Variants in ESF1 observed in about 807,000 individuals in gnomAD.
ESF1 encodes ESF1 nucleolar pre-rRNA processing protein.
In ESF1, 58 loss-of-function variants were observed where a neutral mutation model predicts 92.0. The observed-to-expected ratio is 0.63, with a 90% CI of 0.51 to 0.78. ESF1 has a LOEUF of 0.78. Ranked by LOEUF, ESF1 falls within the 30% of genes least tolerant of loss-of-function variation. The probability of loss-of-function intolerance (pLI) is 0.00; values close to 1 mark genes in which losing one functional copy is unlikely to be tolerated. For synonymous variants in ESF1, 321 were observed against 313.7 expected, an observed-to-expected ratio of 1.02 and a Z score of -0.24; for missense variants, 922 against 989.1, an observed-to-expected ratio of 0.93 and a Z score of 0.91.
rs918499459 is a variant in ESF1 at position 13,784,893 on chromosome 20, A to T, written c.-57T>A. 7 of 627,950 alleles carry T rather than the reference A, an allele frequency of 1.1e-5. 1 individual carries two copies. The South Asian group carries it at 1.3e-4, about 12-fold the overall frequency. The allele number at this position is 627,950 out of a possible 1,614,324, so 38.9% of individuals were successfully genotyped here. On this transcript the variant is annotated 5_prime_UTR_variant, in exon 1 of 14. Coordinates refer to ENST00000617257, the MANE Select transcript of ESF1 (RefSeq NM_001276380.2). The stretch of plus-strand genomic sequence containing the variant: ...ATCCCCACTCACCGTCCGCAGTCCT[A>T]CCAAGCCTCACGTGGGGCTCACACC...
intron 9 of ESF1, among the ~76,000 whole-genome samples, chr20:13,742,845 A>G (rs1009177747): frequency 4.6e-5 from 7 of 152,226 alleles, no homozygotes; most frequent in Non-Finnish European, 8.8e-5. Flanking sequence ...CCACAATTTT[A>G]GAACATTTTC....
At chr20:13,755,194 G>C in intron 9 of ESF1, among the ~76,000 whole-genome samples, 1 of 152,150 alleles carries the variant, frequency 6.6e-6, no homozygotes, top group East Asian at 1.9e-4. Flanking sequence ...AGAGAAGTTG[G>C]GGTTCTGTAG....
intron 9 of ESF1, among the ~76,000 whole-genome samples, chr20:13,737,820 A>ATT (rs201405860): frequency 6.6e-6 from 1 of 152,000 alleles, no homozygotes; most frequent in Admixed American, 6.6e-5. Context: ...TGCCAGACTA[A>ATT]TTTTTTCTGT....
Position 13,766,783 on chromosome 20 carries a change from GCTC to G in ESF1, c.1657_1659del (p.Glu553del), listed in dbSNP as rs533595488. Reference sequence around the variant, plus strand: ...ACTGAAAGATTAACAATACCTTGTAGCTCCTCTTCTATCTCCTCTTCATCTTCA... The same window carrying G: ...ACTGAAAGATTAACAATACCTTGTAGCTCTTCTATCTCCTCTTCATCTTCA... On this transcript the variant is annotated inframe_deletion, in exon 8 of 14. Transcript: ENST00000617257. 4.6e-5 allele frequency: 75 copies of G among 1,613,142 alleles called. No homozygotes were observed. Among genetic ancestry groups the G allele is most frequent in the Non-Finnish European group, 6.2e-5 (73 of 1,179,742 alleles).
intron 4 of ESF1, 131 bp downstream of exon 4, chr20:13,775,026 C>T: frequency 1.7e-6 from 1 of 581,760 alleles, no homozygotes; most frequent in South Asian, 2.3e-5. Context: ...ATAAGTTTCA[C>T]ACTCAATTGG....
At chr20:13,760,877 G>A (rs991157139) in intron 8 of ESF1, among the ~76,000 whole-genome samples, 2 of 152,258 alleles carry the variant, frequency 1.3e-5, no homozygotes, top group African/African-American at 4.8e-5. Flanking sequence ...CGTCTGGGAG[G>A]TGTACCCAAC....
chr20:13,772,831 G>A (rs946052212), intron 4 of ESF1, among the ~76,000 whole-genome samples: 3 of 151,936 alleles, frequency 2.0e-5, no homozygotes, highest in Admixed American at 1.3e-4. Context: ...TACGAGGCTT[G>A]GAAACAAAAA....
chr20:13,740,421 G>A (rs934453413), intron 9 of ESF1, among the ~76,000 whole-genome samples: 1 of 151,922 alleles, frequency 6.6e-6, no homozygotes, highest in Non-Finnish European at 1.5e-5. Context: ...ACTAGACAGA[G>A]GTAAAGAAAG....
At position 13,782,803 on chromosome 20, in the gene ESF1, T is replaced by C. The variant is rs372746198; in HGVS notation, c.338A>G (p.Lys113Arg). Reference protein sequence around the residue: ...KEIDSKNLVEKKKETKKANHK... With the variant: ...KEIDSKNLVERKKETKKANHK... ...ATTAGCCTTCTTGGTTTCTTTCTTT[T>C]TCTCAACTAGATTTTTTGAATCGAT... is the stretch of plus-strand genomic sequence containing the variant. The change falls in exon 2 of 14, where the codon AAA (lysine) becomes AGA (arginine). Residue 113 changes from lysine to arginine, a missense_variant. Lys to Arg is a conservative substitution (Grantham distance 26). Transcript: ENST00000617257. 8.7e-6 allele frequency: 14 copies of C among 1,604,980 alleles called. No homozygotes were observed. In the African/African-American group the frequency reaches 1.3e-4, roughly 15 times the overall value.
At position 13,715,011 on chromosome 20, in the gene ESF1, C is replaced by A. The variant is rs1325771293; in HGVS notation, c.2419G>T (p.Ala807Ser). ...RERKEQELTQAIKKKESEIEK... is the reference protein window; with the variant it reads ...RERKEQELTQSIKKKESEIEK... ...ATCTCACTCTCTTTTTTCTTTATTGCCTGAGTAAGTTCTTGTTCTTTCCGT... is the reference window on the plus strand; with the variant it reads ...ATCTCACTCTCTTTTTTCTTTATTGACTGAGTAAGTTCTTGTTCTTTCCGT... The change falls in exon 14 of 14, where the codon GCA (alanine) becomes TCA (serine). Residue 807 changes from alanine to serine, a missense_variant. Transcript: ENST00000617257. The A allele has an allele frequency of 1.9e-6, 3 of 1,613,586 alleles. No homozygotes were observed. The highest frequency in any genetic ancestry group is 2.2e-5 in the East Asian group (1 of 44,860).
intron 8 of ESF1, among the ~76,000 whole-genome samples, chr20:13,765,755 C>G (rs1252101908): frequency 6.6e-6 from 1 of 152,118 alleles, no homozygotes; most frequent in Non-Finnish European, 1.5e-5. Context: ...GGTTCTAAAC[C>G]AACCAAAGTA....
At chr20:13,748,586 ATATATATTTT>A (rs1978431733) in intron 9 of ESF1, among the ~76,000 whole-genome samples, 3 of 85,792 alleles carry the variant, frequency 3.5e-5, no homozygotes, top group Admixed American at 1.4e-4. Flanking sequence ...ATATATATAT[ATATATATTTT>A]TTTTTTTTTG....
chr20:13,759,987 T>C (rs1295515155), intron 8 of ESF1, 134 bp from the exon 9 acceptor site: 3 of 1,358,104 alleles, frequency 2.2e-6, no homozygotes, highest in Non-Finnish European at 2.9e-6. Flanking sequence ...TTTCTGAATA[T>C]TAAATGAAAG....
intron 9 of ESF1, among the ~76,000 whole-genome samples, chr20:13,747,657 AT>A (rs1417313524): frequency 6.6e-6 from 1 of 152,156 alleles, no homozygotes; most frequent in Non-Finnish European, 1.5e-5. Context: ...TAATATTAAC[AT>A]TTAGGACTTC....
intron 9 of ESF1, among the ~76,000 whole-genome samples, chr20:13,738,150 C>T (rs190505553): frequency 7.2e-4 from 109 of 152,218 alleles, no homozygotes; most frequent in Non-Finnish European, 2.6e-4. Flanking sequence ...ATTTTTTCCT[C>T]CTTGGTAAAG....
chr20:13,740,078 T>C (rs1042876018), intron 9 of ESF1, among the ~76,000 whole-genome samples: 10 of 152,230 alleles, frequency 6.6e-5, no homozygotes, highest in Admixed American at 6.5e-4. Context: ...GGTTTGTGGC[T>C]GGAATTCACA....
chr20:13,769,263 A>T (rs1979572567), intron 7 of ESF1, among the ~76,000 whole-genome samples: 1 of 152,216 alleles, frequency 6.6e-6, no homozygotes, highest in Non-Finnish European at 1.5e-5. Context: ...ACTTCCCCTT[A>T]TTCCTTAGGA....
chr20:13,765,828 A>C (rs1979402749), intron 8 of ESF1, among the ~76,000 whole-genome samples: 1 of 152,246 alleles, frequency 6.6e-6, no homozygotes, highest in Non-Finnish European at 1.5e-5. Context: ...ACACAAAATT[A>C]ACTAGGCACA....
In ESF1 at chr20:13,721,678, C is replaced by T. The variant is rs549032753; in HGVS notation, c.2039-2694G>A. ...TGTGTATTAAGTCCCTGCGAATACT[C>T]TTGCACACCTGTCCAGTAGACATGC... On this transcript the variant is annotated intron_variant, in intron 11 of 13. Transcript: ENST00000617257. 8.8e-4 allele frequency among the ~76,000 whole-genome samples: 134 copies of T among 152,286 alleles called. 1 individual carries two copies. Among genetic ancestry groups the T allele is most frequent in the African/African-American group, 3.1e-3 (128 of 41,566 alleles).
Sources: allele counts gnomAD v4.1 joint callset (sites outside exome capture counted in the v4.1 genomes callset), GRCh38; gene constraint gnomAD v4.1.1; transcripts MANE v1.5; gene names NCBI Gene and HGNC (gene_info 2026-07-23, HGNC 2026-07-21).